The following TAFA5 variants were observed in gnomAD, a reference collection of about 807,000 sequenced individuals.
The protein encoded by TAFA5 is chemokine-like protein TAFA-5.
In TAFA5, 6 loss-of-function variants were observed where a neutral mutation model predicts 15.3. That is an observed-to-expected ratio of 0.39 (90% CI 0.21 to 0.77). The LOEUF is 0.77. Ranked by LOEUF, TAFA5 falls within the 30% of genes least tolerant of loss-of-function variation. TAFA5 has a pLI of 0.41. For missense variants in TAFA5, 161 were observed against 193.1 expected (o/e 0.83, Z 0.98); for synonymous variants, 103 against 80.7 (o/e 1.28, Z -1.48).
At chr22:48,707,400 G>A (rs1601687771) in intron 2 of TAFA5, among the ~76,000 whole-genome samples, 1 of 152,288 alleles carries the variant, frequency 6.6e-6, no homozygotes, top group Admixed American at 6.5e-5. Flanking sequence ...CCAGACAAGA[G>A]ACAGTGAGGC....
At position 48,641,629 on chromosome 22, in the gene TAFA5, TC is replaced by T. The variant is rs371345762; in HGVS notation, c.113-4961del. 7.5e-3 allele frequency among the ~76,000 whole-genome samples: 965 copies of T among 128,058 alleles called. 35 individuals carry two copies. In the East Asian group the frequency reaches 0.13, roughly 17 times the overall value. 84.0% of individuals were successfully genotyped at this position (128,058 alleles called of 152,430 possible). A position where few individuals can be genotyped will look rare whatever the true frequency, so the allele number is the denominator to read the frequency against. On this transcript the variant is annotated intron_variant, in intron 1 of 3. Transcript: ENST00000402357. Reference sequence around the variant, plus strand: ...TCCGCTCGCACACAACACCCTCCCTTCCCCCCCGCACACCCTCCCCTCACAC... The same window carrying T: ...TCCGCTCGCACACAACACCCTCCCTTCCCCCCGCACACCCTCCCCTCACAC...
chr22:48,704,331 G>A lies in TAFA5; in HGVS notation c.263-3386G>A, dbSNP rs181796348. ...TAGCTTCCTCGTGGGTTTAAGGTTC[G>A]TGTTTGTGGGTGTCTGAGATTTTCT... On this transcript the variant is annotated intron_variant, in intron 2 of 3. Transcript: ENST00000402357. Among the ~76,000 whole-genome samples, 9 of 152,260 alleles carry A rather than the reference G, an allele frequency of 5.9e-5. No individual in the cohort carries two copies. In the South Asian group the frequency reaches 1.0e-3, roughly 18 times the overall value.
chr22:48,580,287 G>A (rs932188306), intron 1 of TAFA5, among the ~76,000 whole-genome samples: 23 of 152,250 alleles, frequency 1.5e-4, no homozygotes, highest in Non-Finnish European at 3.1e-4. Context: ...GATGGTGTAT[G>A]AATGGTTATG....
chr22:48,682,027 C>T lies in TAFA5; in HGVS notation c.263-25690C>T, dbSNP rs931556258. 1.2e-4 allele frequency among the ~76,000 whole-genome samples: 7 copies of T among 57,408 alleles called. 1 individual carries two copies. Among genetic ancestry groups the T allele is most frequent in the African/African-American group, 3.0e-4 (7 of 23,206 alleles). 37.7% of individuals were successfully genotyped at this position (57,408 alleles called of 152,430 possible). A position where few individuals can be genotyped will look rare whatever the true frequency, so the allele number is the denominator to read the frequency against. On this transcript the variant is annotated intron_variant, in intron 2 of 3. Transcript: ENST00000402357. ...CGGGGCCTCCCAGGGCCTGAGGCTG[C>T]GGCTCCCCAAGGCCGTCCTCAGCTT... is the stretch of plus-strand genomic sequence containing the variant.
At chr22:48,535,073 T>C (rs1378472502) in intron 1 of TAFA5, among the ~76,000 whole-genome samples, 1 of 151,740 alleles carries the variant, frequency 6.6e-6, no homozygotes, top group Non-Finnish European at 1.5e-5. Flanking sequence ...GGGCAGCCCC[T>C]CCCCAAGGCT....
chr22:48,593,349 C>G (rs1379093534), intron 1 of TAFA5, among the ~76,000 whole-genome samples: 1 of 152,168 alleles, frequency 6.6e-6, no homozygotes, highest in Non-Finnish European at 1.5e-5. Context: ...AGGGGAGGGA[C>G]TGGCCCAAGG....
intron 2 of TAFA5, among the ~76,000 whole-genome samples, chr22:48,695,250 T>C (rs1418187917): frequency 6.6e-6 from 1 of 152,110 alleles, no homozygotes; most frequent in African/African-American, 2.4e-5. Flanking sequence ...GAATCCTCCA[T>C]CACCAGCCAG....
In TAFA5 at chr22:48,646,656, C is replaced by T. The variant is rs529687666; in HGVS notation, c.172C>T (p.Arg58Trp). 5 of 1,612,330 alleles carry T rather than the reference C, an allele frequency of 3.1e-6. No homozygotes were observed. The highest frequency in any genetic ancestry group is 1.1e-5 in the South Asian group (1 of 91,066). The change falls in exon 2 of 4, where the codon CGG (arginine) becomes TGG (tryptophan). Residue 58 changes from arginine to tryptophan, a missense_variant. Transcript: ENST00000402357. Reference sequence around the variant, plus strand: ...CTTGGACCGGGACAGCAGCCAGCCTCGGAGGACGATCGCCCGGCAGACCGC... The same window carrying T: ...CTTGGACCGGGACAGCAGCCAGCCTTGGAGGACGATCGCCCGGCAGACCGC... ...VTLDRDSSQP[R>W]RTIARQTARC...
At chr22:48,577,013 C>G (rs897411453) in intron 1 of TAFA5, among the ~76,000 whole-genome samples, 8 of 152,156 alleles carry the variant, frequency 5.3e-5, no homozygotes, top group Non-Finnish European at 8.8e-5. Context: ...GGGCGCCGGG[C>G]TGGGACCCGC....
chr22:48,549,107 A>G (rs1029028592), intron 1 of TAFA5, among the ~76,000 whole-genome samples: 1 of 152,248 alleles, frequency 6.6e-6, no homozygotes, highest in Non-Finnish European at 1.5e-5. Context: ...TAGGAAGAGT[A>G]AACACATACC....
rs1923401935 is a variant in TAFA5, at chr22:48,566,172, GTGGA to G, written c.112+76476_112+76479del. On this transcript the variant is annotated intron_variant, in intron 1 of 3. Transcript: ENST00000402357. The surrounding 1 kb of genome is among the most constrained non-coding windows in gnomAD (Gnocchi z 4.5). ...GTGGACAATGAATGGATGGTGATGG[GTGGA>G]TGGATGGTGGATGGATGGGTGGATG... is the stretch of plus-strand genomic sequence containing the variant. Among the ~76,000 whole-genome samples, 1 of 151,832 alleles carries G rather than the reference GTGGA, an allele frequency of 6.6e-6. No individual in the cohort carries two copies. Among genetic ancestry groups the G allele is most frequent in the Non-Finnish European group, 1.5e-5 (1 of 67,938 alleles).
At chr22:48,710,423 C>T (rs1929215459) in intron 3 of TAFA5, among the ~76,000 whole-genome samples, 1 of 152,222 alleles carries the variant, frequency 6.6e-6, no homozygotes, top group African/African-American at 2.4e-5. Context: ...CTCTCTCCTC[C>T]CCTGTAGTTC....
rs1445869613 is a variant in TAFA5 at position 48,560,816 on chromosome 22, G to C, written c.112+71112G>C. Among the ~76,000 whole-genome samples, 1 of 151,874 alleles carries C rather than the reference G, an allele frequency of 6.6e-6. No individual in the cohort carries two copies. Among genetic ancestry groups the C allele is most frequent in the African/African-American group, 2.4e-5 (1 of 41,316 alleles). Reference sequence around the variant, plus strand: ...GTAGAGATGGGGTTTCACCGTGTTGGCCAGACTGGTCTTGAACTCCTGACC... The same window carrying C: ...GTAGAGATGGGGTTTCACCGTGTTGCCCAGACTGGTCTTGAACTCCTGACC... On this transcript the variant is annotated intron_variant, in intron 1 of 3. Coordinates refer to ENST00000402357, the MANE Select transcript of TAFA5 (RefSeq NM_001082967.3). This position sits in a 1 kb window ranked among gnomAD's most constrained non-coding sequence, Gnocchi z 4.2.
intron 1 of TAFA5, among the ~76,000 whole-genome samples, chr22:48,602,514 C>T (rs73889131): frequency 0.018 from 2,751 of 152,306 alleles, 85 homozygotes; most frequent in African/African-American, 0.062. Flanking sequence ...CCTTGAGTAC[C>T]TCTCACCCCC....
rs1357739645 is a variant in TAFA5, at chr22:48,751,547, C to T, written c.*1700C>T. On this transcript the variant is annotated 3_prime_UTR_variant, in exon 4 of 4. Coordinates refer to ENST00000402357, the MANE Select transcript of TAFA5 (RefSeq NM_001082967.3). Reference sequence around the variant, plus strand: ...TTCCAGCAACCATAGACTGAAGATACGAAAGAAAATCCATTTATTTAAGAC... The same window carrying T: ...TTCCAGCAACCATAGACTGAAGATATGAAAGAAAATCCATTTATTTAAGAC... 1 of 152,372 alleles carries T rather than the reference C, an allele frequency of 6.6e-6. No individual in the cohort carries two copies. Among genetic ancestry groups the T allele is most frequent in the Admixed American group, 6.5e-5 (1 of 15,282 alleles). 9.4% of individuals were successfully genotyped at this position (152,372 alleles called of 1,614,324 possible). A position where few individuals can be genotyped will look rare whatever the true frequency, so the allele number is the denominator to read the frequency against.
chr22:48,682,673 C>T (rs758736041), intron 2 of TAFA5, among the ~76,000 whole-genome samples: 11 of 152,298 alleles, frequency 7.2e-5, no homozygotes, highest in African/African-American at 2.6e-4. Context: ...CAGTCATTGT[C>T]GCTGTATTGA....
rs1466290380 is a variant in TAFA5 at position 48,541,343 on chromosome 22, G to C, written c.112+51639G>C. Among the ~76,000 whole-genome samples the C allele has an allele frequency of 2.6e-5, 4 of 152,256 alleles. No homozygotes were observed. In the South Asian group the frequency reaches 8.3e-4, roughly 32 times the overall value. ...GCTGGGGTGTTTGTGCAGGTACTTG[G>C]AGACCCCAGAACCCTGTACCCTTTG... On this transcript the variant is annotated intron_variant, in intron 1 of 3. Coordinates refer to ENST00000402357, the MANE Select transcript of TAFA5 (RefSeq NM_001082967.3).
chr22:48,668,926 A>T (rs2147220560), intron 2 of TAFA5, among the ~76,000 whole-genome samples: 1 of 152,320 alleles, frequency 6.6e-6, no homozygotes, highest in East Asian at 1.9e-4. Flanking sequence ...CTGAACGGGC[A>T]TTGCCATGGT....
chr22:48,499,932 C>T (rs1920943496), intron 1 of TAFA5, among the ~76,000 whole-genome samples: 3 of 152,168 alleles, frequency 2.0e-5, no homozygotes, highest in Non-Finnish European at 4.4e-5. Context: ...CGTGAGTCTG[C>T]CTGCAGCTCC....
Sources: allele counts gnomAD v4.1 joint callset (sites outside exome capture counted in the v4.1 genomes callset), GRCh38; gene constraint gnomAD v4.1.1; non-coding constraint Gnocchi (gnomAD v3.1); transcripts MANE v1.5; gene names NCBI Gene and HGNC (gene_info 2026-07-23, HGNC 2026-07-21).